The following MAGI1 variants were observed in gnomAD, a reference collection of about 807,000 sequenced individuals.
MAGI1 encodes the protein membrane-associated guanylate kinase, WW and PDZ domain-containing protein 1.
Under a neutral mutation model 139.9 loss-of-function variants are expected in MAGI1, and 58 were observed. That is an observed-to-expected ratio of 0.41 (90% CI 0.34 to 0.52). The LOEUF is 0.52. Ranked by LOEUF, MAGI1 falls within the 20% of genes least tolerant of loss-of-function variation. MAGI1 has a pLI of 0.12. For synonymous variants in MAGI1, 812 were observed against 737.9 expected (o/e 1.10, Z -1.63); for missense variants, 1,874 against 1,901.6 (o/e 0.99, Z 0.27).
At chr3:66,002,244 T>C (rs796683814) in intron 1 of MAGI1, among the ~76,000 whole-genome samples, 9 of 152,288 alleles carry the variant, frequency 5.9e-5, no homozygotes, top group African/African-American at 2.2e-4. Flanking sequence ...AAAACACGTC[T>C]GGATGGGGAG....
intron 1 of MAGI1, among the ~76,000 whole-genome samples, chr3:65,790,728 C>T (rs978469214): frequency 5.3e-5 from 8 of 152,272 alleles, no homozygotes; most frequent in South Asian, 2.1e-4. Flanking sequence ...CTCAGCCTCG[C>T]GGGGGAACAT....
chr3:65,910,241 C>T (rs1171562287), intron 1 of MAGI1, among the ~76,000 whole-genome samples: 1 of 152,068 alleles, frequency 6.6e-6, no homozygotes, highest in Non-Finnish European at 1.5e-5. Flanking sequence ...TTGAGGCTGC[C>T]AAAGTGAAGA....
At chr3:65,671,209 T>C (rs2086836962) in intron 1 of MAGI1, among the ~76,000 whole-genome samples, 1 of 152,170 alleles carries the variant, frequency 6.6e-6, no homozygotes, top group Non-Finnish European at 1.5e-5. Context: ...GAGCTAAAAT[T>C]TGAACCGGGA....
chr3:65,781,428 GA>G (rs1367241997), intron 1 of MAGI1, among the ~76,000 whole-genome samples: 1 of 152,052 alleles, frequency 6.6e-6, no homozygotes, highest in Non-Finnish European at 1.5e-5. Flanking sequence ...GAAATGGATA[GA>G]TTTTTTTTTA....
chr3:65,504,288 C>A (rs1374270623), intron 2 of MAGI1, among the ~76,000 whole-genome samples: 1 of 152,188 alleles, frequency 6.6e-6, no homozygotes, highest in African/African-American at 2.4e-5. Flanking sequence ...ACAAACCCCT[C>A]AGCAAATTAA....
intron 1 of MAGI1, among the ~76,000 whole-genome samples, chr3:65,673,058 G>T (rs924194944): frequency 1.3e-5 from 2 of 152,020 alleles, no homozygotes; most frequent in African/African-American, 4.8e-5. Context: ...ATAAATGACC[G>T]CCAGCGCCAT....
chr3:65,501,700 C>T (rs2077089417), intron 2 of MAGI1, among the ~76,000 whole-genome samples: 1 of 152,104 alleles, frequency 6.6e-6, no homozygotes, highest in Non-Finnish European at 1.5e-5. Flanking sequence ...AATCCCACTC[C>T]TAAATGTTTA....
chr3:65,728,019 G>A (rs978414432), intron 1 of MAGI1, among the ~76,000 whole-genome samples: 1 of 152,120 alleles, frequency 6.6e-6, no homozygotes, highest in African/African-American at 2.4e-5. Context: ...TTTGTAAAGG[G>A]ATATAGTCTG....
Position 65,552,430 on chromosome 3 carries a change from T to C in MAGI1, c.431-58799A>G, listed in dbSNP as rs906179873. Among the ~76,000 whole-genome samples the C allele has an allele frequency of 5.3e-5, 8 of 152,288 alleles. No individual in the cohort carries two copies. In the South Asian group the frequency reaches 1.2e-3, roughly 24 times the overall value. ...ACCCATTTCCAAAAGAAGCTTCCGT[T>C]TAATACAGGGGTAAAAGAGTGGCTT... On this transcript the variant is annotated intron_variant, in intron 2 of 22. Transcript: ENST00000402939.
intron 1 of MAGI1, among the ~76,000 whole-genome samples, chr3:65,865,021 A>T (rs74417674): frequency 6.6e-6 from 1 of 152,174 alleles, no homozygotes; most frequent in Non-Finnish European, 1.5e-5. Flanking sequence ...GAGGGTTGAT[A>T]TAACACTCGG....
intron 1 of MAGI1, among the ~76,000 whole-genome samples, chr3:65,682,421 T>C (rs2087657573): frequency 6.6e-6 from 1 of 152,216 alleles, no homozygotes; most frequent in Non-Finnish European, 1.5e-5. Flanking sequence ...ACCTAAAGTA[T>C]GCCTGATTCT....
At chr3:65,843,947 T>C (rs983871073) in intron 1 of MAGI1, 1 of 214,370 alleles carries the variant, frequency 4.7e-6, no homozygotes, top group Non-Finnish European at 9.4e-6. Flanking sequence ...AATTGACAGG[T>C]TAAAATTTTC....
In MAGI1 at chr3:65,923,226, C is replaced by CTTTT. The variant is rs72035925; in HGVS notation, c.313+114766_313+114769dup. Among the ~76,000 whole-genome samples the CTTTT allele has an allele frequency of 3.0e-4, 42 of 139,960 alleles. 7 individuals carry two copies. Among genetic ancestry groups the CTTTT allele is most frequent in the African/African-American group, 6.9e-4 (26 of 37,456 alleles). The allele number at this position is 139,960 out of a possible 152,430, so 91.8% of individuals were successfully genotyped here. A position where few individuals can be genotyped will look rare whatever the true frequency, so the allele number is the denominator to read the frequency against. On this transcript the variant is annotated intron_variant, in intron 1 of 22. Transcript: ENST00000402939. Reference sequence around the variant, plus strand: ...TGTTAAGCTTGCATTCAACAGACATCTTTTTTTTTTTTTTTTTGAGATGGA... The same window carrying CTTTT: ...TGTTAAGCTTGCATTCAACAGACATCTTTTTTTTTTTTTTTTTTTTTGAGATGGA...
intron 1 of MAGI1, among the ~76,000 whole-genome samples, chr3:65,849,840 A>G (rs1299623346): frequency 3.3e-5 from 5 of 152,184 alleles, no homozygotes; most frequent in East Asian, 3.9e-4. Flanking sequence ...AGGTTCCACT[A>G]AAGATTTGAT....
chr3:66,024,315 TA>T (rs34593257), intron 1 of MAGI1, among the ~76,000 whole-genome samples: 7,198 of 95,594 alleles, frequency 0.075, 253 homozygotes, highest in East Asian at 0.1. Context: ...CAAAGTTCAT[TA>T]AAAAAAAAAA....
intron 1 of MAGI1, among the ~76,000 whole-genome samples, chr3:65,647,603 T>C (rs567625227): frequency 3.7e-4 from 57 of 152,270 alleles, no homozygotes; most frequent in Non-Finnish European, 7.1e-4. Flanking sequence ...GTTCAATACC[T>C]GAAAATCAAT....
At chr3:65,397,617 A>C (rs1944495993) in intron 13 of MAGI1, among the ~76,000 whole-genome samples, 1 of 152,084 alleles carries the variant, frequency 6.6e-6, no homozygotes, top group Non-Finnish European at 1.5e-5. Flanking sequence ...TAGCTAAGTA[A>C]AGAATGTGGT....
At chr3:65,596,077 G>A (rs778694368) in intron 2 of MAGI1, among the ~76,000 whole-genome samples, 40 of 152,282 alleles carry the variant, frequency 2.6e-4, no homozygotes, top group Non-Finnish European at 4.0e-4. Context: ...GTTAAATCAC[G>A]AAAAGAATCC....
intron 1 of MAGI1, among the ~76,000 whole-genome samples, chr3:66,001,254 C>G (rs902714390): frequency 4.0e-5 from 6 of 151,808 alleles, no homozygotes; most frequent in African/African-American, 1.2e-4. Context: ...ATGAAGACCT[C>G]CCAGGAGTAA....
Sources: allele counts gnomAD v4.1 joint callset (sites outside exome capture counted in the v4.1 genomes callset), GRCh38; gene constraint gnomAD v4.1.1; transcripts MANE v1.5; gene names NCBI Gene and HGNC (gene_info 2026-07-23, HGNC 2026-07-21).